The following B3GAT2 variants were observed in gnomAD, a reference collection of about 807,000 sequenced individuals.
B3GAT2 encodes galactosylgalactosylxylosylprotein 3-beta-glucuronosyltransferase 2.
Under a neutral mutation model 27.8 loss-of-function variants are expected in B3GAT2, and 26 were observed. The observed-to-expected ratio is 0.93, with a 90% confidence interval of 0.68 to 1.30. B3GAT2 has a LOEUF of 1.30. B3GAT2 is among the 50% of genes most tolerant of loss of function. The probability of loss-of-function intolerance (pLI) is 0.00; values close to 1 mark genes in which losing one functional copy is unlikely to be tolerated. For missense variants in B3GAT2, 458 were observed against 459.0 expected (o/e 1.00, Z 0.02); for synonymous variants, 218 against 195.1 (o/e 1.12, Z -0.98).
At chr6:70,871,361 T>C (rs1771934731) in intron 2 of B3GAT2, among the ~76,000 whole-genome samples, 2 of 151,888 alleles carry the variant, frequency 1.3e-5, no homozygotes, top group South Asian at 4.1e-4. Flanking sequence ...TTGGTAGAAG[T>C]CACCAGTAAA....
At chr6:70,905,885 CTGTG>C (rs36123503) in intron 1 of B3GAT2, among the ~76,000 whole-genome samples, 32 of 150,408 alleles carry the variant, frequency 2.1e-4, no homozygotes, top group African/African-American at 3.4e-4. Flanking sequence ...TCTCCTGGCA[CTGTG>C]TGTGTGTGTG....
Position 70,859,446 on chromosome 6 carries a change from A to ATAAGTGT in B3GAT2, c.*2216_*2217insACACTTA. 7.3e-7 allele frequency: 1 copy of ATAAGTGT among 1,377,294 alleles called. No individual in the cohort carries two copies. Among genetic ancestry groups the ATAAGTGT allele is most frequent in the Non-Finnish European group, 1.0e-6 (1 of 998,868 alleles). 85.3% of individuals were successfully genotyped at this position (1,377,294 alleles called of 1,614,324 possible). A position where few individuals can be genotyped will look rare whatever the true frequency, so the allele number is the denominator to read the frequency against. ...GAAGACGTGATCTGCTTCTTCAGAC[A>ATAAGTGT]CTTATGCCTGATTAGTGATGTAGTT... On this transcript the variant is annotated 3_prime_UTR_variant, in exon 4 of 4. Transcript: ENST00000230053.
Position 70,927,516 on chromosome 6 carries a change from G to A in B3GAT2, c.591+28323C>T, listed in dbSNP as rs138032961. Among the ~76,000 whole-genome samples, 772 of 152,112 alleles carry A rather than the reference G, an allele frequency of 5.1e-3. 9 individuals carry two copies. The highest frequency in any genetic ancestry group is 0.017 in the African/African-American group (726 of 41,498). On this transcript the variant is annotated intron_variant, in intron 1 of 3. Transcript: ENST00000230053. ...GCAAATGGAAAGCAAAAAAACCGGG[G>A]GTTGCTATCCTAGTCTCTGCTAAAA...
chr6:70,916,163 T>C (rs570637632), intron 1 of B3GAT2, among the ~76,000 whole-genome samples: 2 of 152,222 alleles, frequency 1.3e-5, no homozygotes, highest in African/African-American at 4.8e-5. Flanking sequence ...TTTGAGGCAG[T>C]TGGGAATGGG....
At chr6:70,895,351 G>GA (rs1772361678) in intron 1 of B3GAT2, among the ~76,000 whole-genome samples, 1 of 151,636 alleles carries the variant, frequency 6.6e-6, no homozygotes, top group Non-Finnish European at 1.5e-5. Flanking sequence ...TTTATGAAAG[G>GA]AAAAAAATGA....
chr6:70,937,307 GAATTC>G, intron 1 of B3GAT2, among the ~76,000 whole-genome samples: 1 of 150,324 alleles, frequency 6.7e-6, no homozygotes, highest in South Asian at 2.1e-4. Context: ...ATTCACAGCC[GAATTC>G]TACCAGAGGT....
chr6:70,873,343 T>C (rs1215495754), intron 2 of B3GAT2, among the ~76,000 whole-genome samples: 1 of 151,642 alleles, frequency 6.6e-6, no homozygotes, highest in East Asian at 1.9e-4. Flanking sequence ...TCTTGGTTGA[T>C]CTTTCTTTTT....
At chr6:70,863,452 A>G (rs1315103520) in intron 2 of B3GAT2, among the ~76,000 whole-genome samples, 1 of 152,244 alleles carries the variant, frequency 6.6e-6, no homozygotes, top group African/African-American at 2.4e-5. Flanking sequence ...ATCATAAAGC[A>G]TTAGCTGTAG....
At chr6:70,893,462 C>T (rs780841043) in intron 2 of B3GAT2, among the ~76,000 whole-genome samples, 2 of 150,548 alleles carry the variant, frequency 1.3e-5, no homozygotes, top group Non-Finnish European at 2.9e-5. Context: ...CCACAGTTAT[C>T]ACAGGCATCA....
chr6:70,896,565 A>G (rs1772390521), intron 1 of B3GAT2, among the ~76,000 whole-genome samples: 1 of 152,180 alleles, frequency 6.6e-6, no homozygotes, highest in South Asian at 2.1e-4. Context: ...ACCCATCGCC[A>G]GGAAACCCCA....
intron 1 of B3GAT2, among the ~76,000 whole-genome samples, chr6:70,923,620 C>T (rs1428662685): frequency 6.6e-6 from 1 of 152,140 alleles, no homozygotes; most frequent in Non-Finnish European, 1.5e-5. Context: ...GCCAGGATTG[C>T]ACCACTGTAC....
chr6:70,889,064 A>C (rs11751223), intron 2 of B3GAT2, among the ~76,000 whole-genome samples: 8,581 of 152,176 alleles, frequency 0.056, 317 homozygotes, highest in South Asian at 0.11. Flanking sequence ...ATTCAGCCAA[A>C]TGTCACTTCT....
At chr6:70,899,286 T>C (rs531868517) in intron 1 of B3GAT2, among the ~76,000 whole-genome samples, 3 of 152,202 alleles carry the variant, frequency 2.0e-5, no homozygotes, top group African/African-American at 4.8e-5. Flanking sequence ...TCATGAAAGG[T>C]ATATAGGGTT....
intron 2 of B3GAT2, among the ~76,000 whole-genome samples, chr6:70,877,987 C>T (rs781528255): frequency 1.3e-5 from 2 of 152,184 alleles, no homozygotes; most frequent in African/African-American, 4.8e-5. Flanking sequence ...ACAGATCTAA[C>T]TCCACTTTTT....
chr6:70,947,054 C>T (rs1481289992), intron 1 of B3GAT2, among the ~76,000 whole-genome samples: 3 of 151,696 alleles, frequency 2.0e-5, no homozygotes, highest in East Asian at 3.9e-4. Flanking sequence ...ACACAACATA[C>T]CAGAATCTCT....
At chr6:70,915,802 G>T (rs959137543) in intron 1 of B3GAT2, among the ~76,000 whole-genome samples, 1 of 152,168 alleles carries the variant, frequency 6.6e-6, no homozygotes, top group Non-Finnish European at 1.5e-5. Context: ...TTTGGTTACT[G>T]TAGCCTTGTA....
At position 70,861,146 on chromosome 6, in the gene B3GAT2, A is replaced by C. The variant is rs1466299368; in HGVS notation, c.*517T>G. On this transcript the variant is annotated 3_prime_UTR_variant, in exon 4 of 4. Coordinates refer to ENST00000230053, the MANE Select transcript of B3GAT2 (RefSeq NM_080742.3). ...AGTATTGACAAAATGTTATTTCCCTACATTAAACATGACTCCATAGACCTT... is the reference window on the plus strand; with the variant it reads ...AGTATTGACAAAATGTTATTTCCCTCCATTAAACATGACTCCATAGACCTT... 1 of 163,642 alleles carries C rather than the reference A, an allele frequency of 6.1e-6. No individual in the cohort carries two copies. The highest frequency in any genetic ancestry group is 1.8e-4 in the East Asian group (1 of 5,628). The allele number at this position is 163,642 out of a possible 1,614,324, so 10.1% of individuals were successfully genotyped here.
At chr6:70,919,515 G>T (rs1309076128) in intron 1 of B3GAT2, among the ~76,000 whole-genome samples, 1 of 152,138 alleles carries the variant, frequency 6.6e-6, no homozygotes, top group Non-Finnish European at 1.5e-5. Flanking sequence ...TTCTTCTCTG[G>T]TTTCTCCCCA....
intron 1 of B3GAT2, among the ~76,000 whole-genome samples, chr6:70,907,551 G>T (rs1772621897): frequency 6.6e-6 from 1 of 152,212 alleles, no homozygotes; most frequent in Non-Finnish European, 1.5e-5. Context: ...CTCTTCCTAA[G>T]TTCACAGGAA....
Sources: gnomAD v4.1 joint callset for allele counts (sites outside exome capture counted in the v4.1 genomes callset) on GRCh38, gnomAD v4.1.1 for gene constraint, MANE v1.5 for transcripts, NCBI Gene and HGNC (gene_info 2026-07-23, HGNC 2026-07-21) for gene names.